Variants in ALG11 observed in about 807,000 individuals in gnomAD.
ALG11 encodes the protein GDP-Man:Man(3)GlcNAc(2)-PP-Dol alpha-1,2-mannosyltransferase.
Under a neutral mutation model 38.8 loss-of-function variants are expected in ALG11, and 26 were observed. The observed-to-expected ratio is 0.67, with a 90% CI of 0.49 to 0.93. ALG11 has a LOEUF of 0.93. Ranked by LOEUF, ALG11 falls within the 40% of genes least tolerant of loss-of-function variation. The pLI is 0.00. For missense variants in ALG11, 535 were observed against 578.8 expected, an observed-to-expected ratio of 0.92 and a Z score of 0.78; for synonymous variants, 199 against 211.6, an observed-to-expected ratio of 0.94 and a Z score of 0.52.
rs191262828 is a variant in ALG11, at chr13:52,019,093, T to C, written c.225T>C (p.Gly75=). The C allele has an allele frequency of 6.4e-4, 1,041 of 1,614,050 alleles. 16 individuals carry two copies. The highest frequency in any genetic ancestry group is 4.7e-5 in the Non-Finnish European group (55 of 1,179,996). ...TTTTTCATCCATACTGCAATGCTGG[T>C]GGAGGAGGAGAAAGAGTTTTATGGT... ...IAFFHPYCNA[G]GGGERVLWCA... The change falls in exon 2 of 4, where the codon GGT becomes GGC. Residue 75 remains glycine, a synonymous_variant. Transcript: ENST00000521508.
At chr13:52,026,046 C>T (rs992137793) in intron 3 of ALG11, among the ~76,000 whole-genome samples, 10 of 152,204 alleles carry the variant, frequency 6.6e-5, no homozygotes, top group Admixed American at 1.3e-4. Context: ...GGCTTCCCAC[C>T]CTCTGGTGGT....
Position 52,029,969 on chromosome 13 carries a change from G to A in ALG11, c.*1379G>A. 6.2e-7 allele frequency: 1 copy of A among 1,614,238 alleles called. No homozygotes were observed. Among genetic ancestry groups the A allele is most frequent in the South Asian group, 1.1e-5 (1 of 91,086 alleles). Reference sequence around the variant, plus strand: ...TGACACCAAAGAGGCTGCAACACAGGAGGACCCTGAGCAAGTGCCAGAGCT... The same window carrying A: ...TGACACCAAAGAGGCTGCAACACAGAAGGACCCTGAGCAAGTGCCAGAGCT... On this transcript the variant is annotated 3_prime_UTR_variant, in exon 4 of 4. Transcript: ENST00000521508.
In ALG11 at chr13:52,023,991, T is replaced by C. The variant is rs779266648; in HGVS notation, c.276-15T>C. The C allele has an allele frequency of 6.2e-7, 1 of 1,612,692 alleles. No individual in the cohort carries two copies. The highest frequency in any genetic ancestry group is 8.5e-7 in the Non-Finnish European group (1 of 1,178,796). On this transcript the variant is annotated splice_polypyrimidine_tract_variant and intron_variant, in intron 2 of 3. Transcript: ENST00000521508. The stretch of plus-strand genomic sequence containing the variant: ...TGTAACTTAATATATTCTTAACCAT[T>C]ACATTCTATTTTAGGTATCCTGAAG...
chr13:52,030,525 C>T lies in ALG11; in HGVS notation c.*1935C>T. ...CAGTCTCCTTCCGTGAGGTCTTTGG[C>T]AGTTCCCACAATAATAGAGGAGCTG... On this transcript the variant is annotated 3_prime_UTR_variant, in exon 4 of 4. Coordinates refer to ENST00000521508, the MANE Select transcript of ALG11 (RefSeq NM_001004127.3). 1 of 1,614,176 alleles carries T rather than the reference C, an allele frequency of 6.2e-7. No homozygotes were observed. The highest frequency in any genetic ancestry group is 8.5e-7 in the Non-Finnish European group (1 of 1,180,030).
At chr13:52,026,358 G>A (rs1954240645) in intron 3 of ALG11, among the ~76,000 whole-genome samples, 1 of 152,200 alleles carries the variant, frequency 6.6e-6, no homozygotes. Context: ...GCCAGGTTAA[G>A]CCAGTGGAAA....
chr13:52,026,399 A>G (rs529137466), intron 3 of ALG11, among the ~76,000 whole-genome samples: 8 of 152,298 alleles, frequency 5.3e-5, no homozygotes, highest in Non-Finnish European at 7.3e-5. Flanking sequence ...ATTGCACGTA[A>G]AAGCTTTCTG....
rs777743080 is a variant in ALG11, at chr13:52,024,477, T to C, written c.747T>C (p.Ser249=). 2 of 1,614,224 alleles carry C rather than the reference T, an allele frequency of 1.2e-6. No homozygotes were observed. The highest frequency in any genetic ancestry group is 3.3e-5 in the Admixed American group (2 of 60,030). The part of the protein sequence containing the change: ...LFAFIYGLVG[S]CSDVVMVNSS... ...CTTTTATTTATGGACTTGTTGGTTC[T>C]TGCAGTGATGTAGTCATGGTCAATT... The change falls in exon 3 of 4, where the codon TCT becomes TCC. Residue 249 remains serine (S), a synonymous_variant. Coordinates refer to ENST00000521508, the MANE Select transcript of ALG11 (RefSeq NM_001004127.3).
At chr13:52,022,802 A>G (rs2140836773) in intron 2 of ALG11, 1 of 151,660 alleles carries the variant, frequency 6.6e-6, no homozygotes, top group Non-Finnish European at 1.5e-5. Flanking sequence ...GGGTTCAAGC[A>G]ATTCTCCTGC....
chr13:52,031,705 T>C lies in ALG11; in HGVS notation c.*3115T>C, dbSNP rs1485214607. 1.8e-5 allele frequency: 3 copies of C among 167,312 alleles called. No individual in the cohort carries two copies. Among genetic ancestry groups the C allele is most frequent in the African/African-American group, 7.2e-5 (3 of 41,460 alleles). The allele number at this position is 167,312 out of a possible 1,614,324, so 10.4% of individuals were successfully genotyped here. Reference sequence around the variant, plus strand: ...ATTACCAGCATAATGCATTGTAAGATGGCAAGGTGGCATTTTGAAAGAGCG... The same window carrying C: ...ATTACCAGCATAATGCATTGTAAGACGGCAAGGTGGCATTTTGAAAGAGCG... On this transcript the variant is annotated 3_prime_UTR_variant, in exon 4 of 4. Transcript: ENST00000521508.
rs770435507 is a variant in ALG11 at position 52,030,172 on chromosome 13, CGAATT to C, written c.*1585_*1589del. 6.1e-5 allele frequency: 98 copies of C among 1,614,026 alleles called. 1 individual carries two copies. In the South Asian group the frequency reaches 1.0e-3, roughly 17 times the overall value. On this transcript the variant is annotated 3_prime_UTR_variant, in exon 4 of 4. Coordinates refer to ENST00000521508, the MANE Select transcript of ALG11 (RefSeq NM_001004127.3). ...ATTCTAGCAGCCAGGAGGTGCTGTC[CGAATT>C]GAGGGCACTATCTCAGAAATTGAAG... is the stretch of plus-strand genomic sequence containing the variant.
intron 2 of ALG11, 139 bp downstream of exon 2, chr13:52,019,282 C>T: frequency 1.3e-6 from 1 of 765,342 alleles, no homozygotes; most frequent in Non-Finnish European, 2.0e-6. Flanking sequence ...AGTGCAGTGG[C>T]ACGATGTCGG....
At chr13:52,027,131 A>G (rs1954248908) in intron 3 of ALG11, among the ~76,000 whole-genome samples, 1 of 152,160 alleles carries the variant, frequency 6.6e-6, no homozygotes, top group South Asian at 2.1e-4. Flanking sequence ...AGCAGTCTTG[A>G]GGGAGAAGTA....
At position 52,030,104 on chromosome 13, in the gene ALG11, C is replaced by T; in HGVS notation, c.*1514C>T. ...GCAATCCCTTAGAAAAAGATCTGAG[C>T]TCAACCAGGATGCTGAGCCAGCAAG... On this transcript the variant is annotated 3_prime_UTR_variant, in exon 4 of 4. Coordinates refer to ENST00000521508, the MANE Select transcript of ALG11 (RefSeq NM_001004127.3). 1 of 1,614,198 alleles carries T rather than the reference C, an allele frequency of 6.2e-7. No individual in the cohort carries two copies. The highest frequency in any genetic ancestry group is 8.5e-7 in the Non-Finnish European group (1 of 1,180,038).
chr13:52,013,933 C>T (rs1954112915), intron 1 of ALG11, among the ~76,000 whole-genome samples: 1 of 152,148 alleles, frequency 6.6e-6, no homozygotes, highest in Non-Finnish European at 1.5e-5. Flanking sequence ...GCGGATAAAA[C>T]TAAGTGATAG....
In ALG11 at chr13:52,029,088, C is replaced by T. The variant is rs1242937143; in HGVS notation, c.*498C>T. On this transcript the variant is annotated 3_prime_UTR_variant, in exon 4 of 4. Coordinates refer to ENST00000521508, the MANE Select transcript of ALG11 (RefSeq NM_001004127.3). ...GCAGATCTGCTTGAGCCCGTTAAAA[C>T]TTCATCTTCTTTGGCCACTGTAAAA... 1.2e-6 allele frequency: 2 copies of T among 1,614,120 alleles called. No individual in the cohort carries two copies. Among genetic ancestry groups the T allele is most frequent in the Admixed American group, 3.3e-5 (2 of 60,004 alleles).
Position 52,028,839 on chromosome 13 carries a change from T to G in ALG11, c.*249T>G. On this transcript the variant is annotated 3_prime_UTR_variant, in exon 4 of 4. Transcript: ENST00000521508. ...AACCAGGTTGCAGAGAATCTGGCTT[T>G]GAGCCACCAGGAAGAACTAGTGGAT... The G allele has an allele frequency of 1.2e-6, 2 of 1,614,264 alleles. No individual in the cohort carries two copies. Among genetic ancestry groups the G allele is most frequent in the Non-Finnish European group, 1.7e-6 (2 of 1,180,044 alleles).
At chr13:52,018,229 A>G (rs893318662) in intron 1 of ALG11, among the ~76,000 whole-genome samples, 10 of 152,234 alleles carry the variant, frequency 6.6e-5, no homozygotes, top group African/African-American at 2.2e-4. Flanking sequence ...CAGAGCTTCA[A>G]TCGACCTGAC....
intron 1 of ALG11, among the ~76,000 whole-genome samples, chr13:52,014,506 C>T (rs987885070): frequency 4.6e-5 from 7 of 151,440 alleles, no homozygotes; most frequent in Non-Finnish European, 8.8e-5. Flanking sequence ...AGACATTTGG[C>T]ATTTGGCAAT....
In ALG11 at chr13:52,026,775, G is replaced by A. The variant is rs910866373; in HGVS notation, c.1208-1544G>A. Among the ~76,000 whole-genome samples, 14 of 152,296 alleles carry A rather than the reference G, an allele frequency of 9.2e-5. No individual in the cohort carries two copies. The East Asian group carries it at 2.5e-3, about 27-fold the overall frequency. ...ATCTGTGGGACATGTGAGGGCATGC[G>A]TCCAGGAGGTAGTTTTGTATATAGG... On this transcript the variant is annotated intron_variant, in intron 3 of 3. Transcript: ENST00000521508.
Sources: gnomAD v4.1 joint callset for allele counts (sites outside exome capture counted in the v4.1 genomes callset) on GRCh38, gnomAD v4.1.1 for gene constraint, MANE v1.5 for transcripts, NCBI Gene and HGNC (gene_info 2026-07-23, HGNC 2026-07-21) for gene names.